The following S100Z variants were observed in gnomAD, a reference collection of about 807,000 sequenced individuals.
The protein encoded by S100Z is S100 calcium binding protein Z, also known as protein S100-Z.
Under a neutral mutation model 8.5 loss-of-function variants are expected in S100Z, and 11 were observed. The observed-to-expected ratio is 1.30, with a 90% CI of 0.82 to 2.15. The LOEUF is 2.15. Among genes scored for constraint, S100Z ranks in the 30% most tolerant of loss-of-function variants. The pLI is 0.00. For missense variants in S100Z, 126 were observed against 117.9 expected, an observed-to-expected ratio of 1.07 and a Z score of -0.32; for synonymous variants, 34 against 43.8, an observed-to-expected ratio of 0.78 and a Z score of 0.89.
chr5:76,941,422 TC>T, the S100Z span, among the ~76,000 whole-genome samples: 1 of 152,270 alleles, frequency 6.6e-6, no homozygotes, highest in South Asian at 2.1e-4. Context: ...AAAGGGTGGT[TC>T]CCCTACACAC....
At chr5:76,851,032 A>C (rs929593438) in intron 1 of S100Z, among the ~76,000 whole-genome samples, 1 of 152,178 alleles carries the variant, frequency 6.6e-6, no homozygotes, top group Non-Finnish European at 1.5e-5. Flanking sequence ...TGCTTGGCCC[A>C]GAGTATGTGC....
chr5:76,932,601 G>A, the S100Z span, among the ~76,000 whole-genome samples: 136 of 152,236 alleles, frequency 8.9e-4, 1 homozygote, highest in East Asian at 9.3e-3. Context: ...TGATCCGCCC[G>A]CCTTGGCCTC....
intron 4 of S100Z, among the ~76,000 whole-genome samples, chr5:76,902,940 C>T (rs937792618): frequency 2.6e-5 from 4 of 152,208 alleles, no homozygotes. Flanking sequence ...AATCCCAGCA[C>T]TTTGGGAGGC....
intron 1 of S100Z, among the ~76,000 whole-genome samples, chr5:76,863,664 A>G (rs111957955): frequency 0.15 from 22,668 of 151,334 alleles, 1,845 homozygotes; most frequent in Middle Eastern, 0.19. Flanking sequence ...TCAGCCTCCC[A>G]AGTAGCTGGG....
At chr5:76,900,509 T>C (rs1744192903) in intron 4 of S100Z, among the ~76,000 whole-genome samples, 1 of 152,238 alleles carries the variant, frequency 6.6e-6, no homozygotes, top group Non-Finnish European at 1.5e-5. Flanking sequence ...AATTCTGCTA[T>C]TAAAGGACTC....
intron 4 of S100Z, among the ~76,000 whole-genome samples, chr5:76,911,290 G>A (rs539058237): frequency 1.1e-4 from 16 of 152,296 alleles, no homozygotes; most frequent in African/African-American, 3.4e-4. Flanking sequence ...TACAAAAACC[G>A]AACGGTCAGT....
At chr5:76,898,337 C>T (rs189344973) in intron 4 of S100Z, among the ~76,000 whole-genome samples, 99 of 151,878 alleles carry the variant, frequency 6.5e-4, no homozygotes, top group African/African-American at 2.0e-3. Context: ...TTAGTAGAGA[C>T]GGGGTTTCTC....
the S100Z span, among the ~76,000 whole-genome samples, chr5:76,929,687 G>A: frequency 6.6e-6 from 1 of 152,206 alleles, no homozygotes; most frequent in Non-Finnish European, 1.5e-5. Flanking sequence ...GTTATTATAT[G>A]CAGCCTGTGA....
intron 4 of S100Z, among the ~76,000 whole-genome samples, chr5:76,913,941 C>T (rs1187569065): frequency 6.6e-6 from 1 of 152,210 alleles, no homozygotes; most frequent in Non-Finnish European, 1.5e-5. Context: ...CTTTCTAGGT[C>T]CCATGGCAGC....
At chr5:76,901,524 C>T (rs1264870992) in intron 4 of S100Z, among the ~76,000 whole-genome samples, 7 of 152,220 alleles carry the variant, frequency 4.6e-5, no homozygotes, top group Admixed American at 1.3e-4. Flanking sequence ...GTCACAAGTA[C>T]GGCCAGACTA....
intron 4 of S100Z, among the ~76,000 whole-genome samples, chr5:76,907,017 T>TAC (rs1744476692): frequency 9.0e-6 from 1 of 110,614 alleles, no homozygotes; most frequent in Non-Finnish European, 1.6e-5. Context: ...TATATATATA[T>TAC]ATATATACAT....
In S100Z at chr5:76,914,272, C is replaced by T. The variant is rs558924477; in HGVS notation, c.*3-6445C>T. Among the ~76,000 whole-genome samples, 44 of 152,146 alleles carry T rather than the reference C, an allele frequency of 2.9e-4. No homozygotes were observed. In the South Asian group the frequency reaches 5.2e-3, roughly 18 times the overall value. On this transcript the variant is annotated intron_variant, in intron 4 of 4. Transcript: ENST00000317593. ...TAGAGGGGGGATTGAGAGGTGAAGC[C>T]GGCTGGGCTTCTGGGCTGGGTGGGG...
rs1750673039 is a variant in S100Z, at chr5:76,850,042, A to G, written c.-289A>G. The stretch of plus-strand genomic sequence containing the variant: ...GACTCAGAACAGCACTACTCACAGC[A>G]GGGCCTCTTGCTCGCTCTAGCTGCT... On this transcript the variant is annotated 5_prime_UTR_variant, in exon 1 of 5. Coordinates refer to ENST00000317593, the MANE Select transcript of S100Z (RefSeq NM_130772.4). 1 of 152,242 alleles carries G rather than the reference A, an allele frequency of 6.6e-6. No homozygotes were observed. The highest frequency in any genetic ancestry group is 2.4e-5 in the African/African-American group (1 of 41,456). 9.4% of individuals were successfully genotyped at this position (152,242 alleles called of 1,614,324 possible). A position where few individuals can be genotyped will look rare whatever the true frequency, so the allele number is the denominator to read the frequency against.
intron 1 of S100Z, among the ~76,000 whole-genome samples, 176 bp downstream of exon 1, chr5:76,850,331 TG>T (rs1554034979): frequency 2.5e-5 from 2 of 79,730 alleles, no homozygotes; most frequent in Non-Finnish European, 5.9e-5. Context: ...GTCGGGGGGG[TG>T]GGGGAGAGAG....
At chr5:76,907,017 T>TCC (rs1561247606) in intron 4 of S100Z, among the ~76,000 whole-genome samples, 1 of 110,616 alleles carries the variant, frequency 9.0e-6, no homozygotes, top group African/African-American at 7.0e-5. Context: ...TATATATATA[T>TCC]ATATATACAT....
rs886366975 is a variant in S100Z, at chr5:76,859,870, A to C, written c.-176+9715A>C. Among the ~76,000 whole-genome samples, 13 of 152,114 alleles carry C rather than the reference A, an allele frequency of 8.5e-5. 1 individual carries two copies. The highest frequency in any genetic ancestry group is 2.0e-4 in the Admixed American group (3 of 15,254). On this transcript the variant is annotated intron_variant, in intron 1 of 4. Transcript: ENST00000317593. ...CATCTGTCTAGAATGATGCAACCAC[A>C]ATTAGCCTCTGCAACTCTGGGACTT...
chr5:76,925,120 T>A (rs1210088760), downstream of S100Z, among the ~76,000 whole-genome samples: 1 of 151,846 alleles, frequency 6.6e-6, no homozygotes, highest in Non-Finnish European at 1.5e-5. Flanking sequence ...TCCCTAGGAC[T>A]GCTTATGATA....
rs150415903 is a variant in S100Z, at chr5:76,876,159, T to G, written c.141+659T>G. ...TTATAGAGTTGACTTAAACTGATTT[T>G]TAGCACAATATGCTACCCTCGTGTG... is the stretch of plus-strand genomic sequence containing the variant. On this transcript the variant is annotated intron_variant, in intron 3 of 4. Coordinates refer to ENST00000317593, the MANE Select transcript of S100Z (RefSeq NM_130772.4). 2.1e-3 allele frequency among the ~76,000 whole-genome samples: 314 copies of G among 152,320 alleles called. 2 individuals are homozygous for G. Among genetic ancestry groups the G allele is most frequent in the African/African-American group, 7.2e-3 (299 of 41,578 alleles).
chr5:76,853,830 G>T (rs1750800013), intron 1 of S100Z, among the ~76,000 whole-genome samples: 1 of 151,926 alleles, frequency 6.6e-6, no homozygotes, highest in Non-Finnish European at 1.5e-5. Flanking sequence ...AATCCCCAGG[G>T]TTGGAGTGGG....
Sources: allele counts gnomAD v4.1 joint callset (sites outside exome capture counted in the v4.1 genomes callset), GRCh38; gene constraint gnomAD v4.1.1; transcripts MANE v1.5; gene names NCBI Gene and HGNC (gene_info 2026-07-23, HGNC 2026-07-21).